The following CAP2 variants were observed in gnomAD, a reference collection of about 807,000 sequenced individuals.
The protein encoded by CAP2 is adenylyl cyclase-associated protein 2.
CAP2 carries 24 observed loss-of-function variants against 57.7 expected under a neutral mutation model. The observed-to-expected ratio is 0.42, with a 90% CI of 0.30 to 0.58. The LOEUF (loss-of-function observed/expected upper bound fraction) is 0.58. Ranked by LOEUF, CAP2 falls within the 20% of genes least tolerant of loss-of-function variation. CAP2 has a pLI of 0.22. For synonymous variants in CAP2, 194 were observed against 207.2 expected, an observed-to-expected ratio of 0.94 and a Z score of 0.55; for missense variants, 501 against 590.3, an observed-to-expected ratio of 0.85 and a Z score of 1.57.
At chr6:17,525,181 G>A (rs1220643044) in intron 7 of CAP2, among the ~76,000 whole-genome samples, 1 of 152,032 alleles carries the variant, frequency 6.6e-6, no homozygotes, top group East Asian at 1.9e-4. Flanking sequence ...GGGATTACAG[G>A]CATGAGCCAC....
chr6:17,557,362 A>C lies in CAP2; in HGVS notation c.*920A>C, dbSNP rs922284566. ...TCGAAAATGAACATGAAAAAGCCAT[A>C]CATGTATTATTTCTCCTAAAACCTA... On this transcript the variant is annotated 3_prime_UTR_variant, in exon 13 of 13. Coordinates refer to ENST00000229922, the MANE Select transcript of CAP2 (RefSeq NM_006366.3). The C allele has an allele frequency of 3.9e-5, 6 of 152,148 alleles. No individual in the cohort carries two copies. Among genetic ancestry groups the C allele is most frequent in the African/African-American group, 1.4e-4 (6 of 41,432 alleles). The allele number at this position is 152,148 out of a possible 1,614,324, so 9.4% of individuals were successfully genotyped here.
At chr6:17,406,521 A>G (rs960180928) in intron 1 of CAP2, among the ~76,000 whole-genome samples, 4 of 151,258 alleles carry the variant, frequency 2.6e-5, no homozygotes, top group Non-Finnish European at 5.9e-5. Context: ...AGCCTCCTGC[A>G]TAGCTGGGAT....
chr6:17,503,255 G>T (rs895517952), intron 4 of CAP2, among the ~76,000 whole-genome samples: 1 of 152,070 alleles, frequency 6.6e-6, no homozygotes, highest in Non-Finnish European at 1.5e-5. Flanking sequence ...TGACGGCAGG[G>T]TTGGTCTCTC....
chr6:17,515,166 C>T (rs1041575283), intron 7 of CAP2, among the ~76,000 whole-genome samples: 9 of 150,698 alleles, frequency 6.0e-5, no homozygotes, highest in Non-Finnish European at 1.2e-4. Flanking sequence ...CACTGTACTT[C>T]AGCCTGGGTG....
intron 7 of CAP2, among the ~76,000 whole-genome samples, chr6:17,535,792 A>G (rs1762758694): frequency 6.6e-6 from 1 of 152,204 alleles, no homozygotes; most frequent in African/African-American, 2.4e-5. Context: ...TAATTTCAAC[A>G]CATAGGAAAG....
At chr6:17,512,552 A>C (rs1762183309) in intron 6 of CAP2, among the ~76,000 whole-genome samples, 1 of 152,220 alleles carries the variant, frequency 6.6e-6, no homozygotes, top group Admixed American at 6.5e-5. Context: ...AATAATAGCT[A>C]TGTGTATACT....
At chr6:17,438,433 GTTTTTTTTTT>G (rs773266583) in intron 3 of CAP2, among the ~76,000 whole-genome samples, 3 of 58,374 alleles carry the variant, frequency 5.1e-5, no homozygotes, top group African/African-American at 2.0e-4. Context: ...ATCCAGAAGT[GTTTTTTTTTT>G]TTTTTTTTTT....
intron 12 of CAP2, among the ~76,000 whole-genome samples, chr6:17,554,262 A>G (rs1763243430): frequency 6.6e-6 from 1 of 152,078 alleles, no homozygotes; most frequent in Non-Finnish European, 1.5e-5. Flanking sequence ...GTGTGCCACC[A>G]CACCCTGCTA....
chr6:17,538,819 A>G (rs1014359913), intron 7 of CAP2, among the ~76,000 whole-genome samples: 1 of 152,218 alleles, frequency 6.6e-6, no homozygotes, highest in African/African-American at 2.4e-5. Flanking sequence ...GGAAACATCC[A>G]ATCACCACTG....
intron 7 of CAP2, among the ~76,000 whole-genome samples, chr6:17,514,933 G>A (rs1026308804): frequency 2.0e-5 from 3 of 151,354 alleles, no homozygotes; most frequent in Admixed American, 6.6e-5. Context: ...GGCTGGGCAC[G>A]GTGACTGTAA....
At chr6:17,398,234 T>C (rs2113495429) in intron 1 of CAP2, among the ~76,000 whole-genome samples, 1 of 152,318 alleles carries the variant, frequency 6.6e-6, no homozygotes, top group Non-Finnish European at 1.5e-5. Context: ...AACATTACTT[T>C]AATCAAAGTA....
intron 4 of CAP2, among the ~76,000 whole-genome samples, chr6:17,471,421 A>G (rs2113609281): frequency 6.6e-6 from 1 of 152,362 alleles, no homozygotes; most frequent in Admixed American, 6.5e-5. Flanking sequence ...GCATGAAGAA[A>G]ATATTCTGTT....
Position 17,393,622 on chromosome 6 carries a change from C to CACCG in CAP2, c.-125_-122dup, listed in dbSNP as rs1006397804. ...CTCTCCCCTGGAGCAGCGTGACTGA[C>CACCG]ACCGGCTCCTATTCAGCTGGGAGGA... On this transcript the variant is annotated 5_prime_UTR_variant, in exon 1 of 13. Coordinates refer to ENST00000229922, the MANE Select transcript of CAP2 (RefSeq NM_006366.3). The CACCG allele has an allele frequency of 6.6e-6, 1 of 152,338 alleles. No individual in the cohort carries two copies. The highest frequency in any genetic ancestry group is 6.5e-5 in the Admixed American group (1 of 15,292). 9.4% of individuals were successfully genotyped at this position (152,338 alleles called of 1,614,324 possible).
At chr6:17,526,871 C>T (rs965852035) in intron 7 of CAP2, among the ~76,000 whole-genome samples, 5 of 147,434 alleles carry the variant, frequency 3.4e-5, no homozygotes, top group Non-Finnish European at 7.4e-5. Context: ...GCAGGAGAAT[C>T]GCTGGAACCC....
intron 4 of CAP2, among the ~76,000 whole-genome samples, chr6:17,484,276 G>T (rs572295731): frequency 1.3e-5 from 2 of 152,144 alleles, no homozygotes; most frequent in South Asian, 2.1e-4. Flanking sequence ...CATAGCAGTT[G>T]CACGAGTCTG....
intron 7 of CAP2, among the ~76,000 whole-genome samples, chr6:17,538,466 G>A (rs1488088954): frequency 6.6e-6 from 1 of 152,006 alleles, no homozygotes; most frequent in Admixed American, 6.6e-5. Flanking sequence ...TTAAAAAAAA[G>A]CAAAACTGAA....
At chr6:17,506,035 C>T (rs114147482) in intron 4 of CAP2, among the ~76,000 whole-genome samples, 2,741 of 152,204 alleles carry the variant, frequency 0.018, 76 homozygotes, top group African/African-American at 0.06. Context: ...GCTGGAACTA[C>T]AGGAGCACAC....
chr6:17,457,112 G>C (rs1487264692), intron 3 of CAP2, among the ~76,000 whole-genome samples: 1 of 152,154 alleles, frequency 6.6e-6, no homozygotes, highest in Non-Finnish European at 1.5e-5. Context: ...CCGGTTGCTG[G>C]TGTGATAACT....
chr6:17,452,296 G>A (rs547989805), intron 3 of CAP2, among the ~76,000 whole-genome samples: 12 of 152,308 alleles, frequency 7.9e-5, no homozygotes, highest in Admixed American at 3.9e-4. Flanking sequence ...AACTCTTCGC[G>A]TTAGACTGTG....
Sources: gnomAD v4.1 joint callset for allele counts (sites outside exome capture counted in the v4.1 genomes callset) on GRCh38, gnomAD v4.1.1 for gene constraint, MANE v1.5 for transcripts, NCBI Gene and HGNC (gene_info 2026-07-23, HGNC 2026-07-21) for gene names.